GRM5: variants seen among roughly 807,000 people sequenced by gnomAD.
GRM5 encodes metabotropic glutamate receptor 5.
GRM5 carries 19 observed loss-of-function variants against 83.1 expected under a neutral mutation model. The observed-to-expected ratio is 0.23, with a 90% confidence interval of 0.16 to 0.34. GRM5 has a LOEUF of 0.34. Ranked by LOEUF, GRM5 falls within the 10% of genes least tolerant of loss-of-function variation. The pLI is 1.00. For synonymous variants in GRM5, 675 were observed against 633.6 expected (o/e 1.07, Z -0.98); for missense variants, 1,160 against 1,588.3 (o/e 0.73, Z 4.58).
chr11:88,665,937 C>T (rs1171017298), intron 3 of GRM5, among the ~76,000 whole-genome samples: 2 of 151,692 alleles, frequency 1.3e-5, no homozygotes, highest in African/African-American at 4.8e-5. Context: ...TGATAAGAAG[C>T]TAAGAAGTTG....
rs548212554 is a variant in GRM5 at position 88,569,970 on chromosome 11, C to T, written c.1691-1978G>A. The stretch of plus-strand genomic sequence containing the variant: ...AATGACAGCAAGGAAGCATGTAGTT[C>T]TTTCAAAATATGCCTAAGGGTAGCT... On this transcript the variant is annotated intron_variant, in intron 7 of 9. Coordinates refer to ENST00000305447, the MANE Select transcript of GRM5 (RefSeq NM_001143831.3). Among the ~76,000 whole-genome samples, 135 of 151,920 alleles carry T rather than the reference C, an allele frequency of 8.9e-4. 2 individuals are homozygous for T. Among genetic ancestry groups the T allele is most frequent in the Admixed American group, 8.7e-3 (132 of 15,226 alleles).
Position 88,508,833 on chromosome 11 carries a change from G to C in GRM5, c.3398C>G (p.Ala1133Gly). Residue 1133 changes from alanine to glycine, a missense_variant, in exon 10 of 10, where the codon GCG (alanine) becomes GGG (glycine). This residue lies in a region of GRM5 where 562 missense variants were observed against 532.4 expected (regional missense o/e 1.06). Coordinates refer to ENST00000305447, the MANE Select transcript of GRM5 (RefSeq NM_001143831.3). The surrounding 1 kb of genome is among the most constrained non-coding windows in gnomAD (Gnocchi z 4.2). ...CCGGGCCGCGTCCCCAGCCGCCTGC[G>C]CCCCTGCCGCGGGCTGCGCGCCTCC... Reference protein sequence around the residue: ...VTGGAQPAAGAQAAGDAARES... With the variant: ...VTGGAQPAAGGQAAGDAARES... 3 of 1,541,576 alleles carry C rather than the reference G, an allele frequency of 1.9e-6. No individual in the cohort carries two copies. The highest frequency in any genetic ancestry group is 1.2e-5 in the South Asian group (1 of 83,280).
intron 3 of GRM5, among the ~76,000 whole-genome samples, chr11:88,837,866 C>T (rs1337614936): frequency 4.6e-5 from 7 of 151,956 alleles, no homozygotes; most frequent in African/African-American, 1.7e-4. Flanking sequence ...GGGTGGATCA[C>T]GAGGTCAGGA....
At chr11:88,935,566 T>A (rs1937864299) in intron 2 of GRM5, among the ~76,000 whole-genome samples, 1 of 151,862 alleles carries the variant, frequency 6.6e-6, no homozygotes, top group Non-Finnish European at 1.5e-5. Flanking sequence ...GGAAAATCCA[T>A]GAGCAAGGTG....
intron 3 of GRM5, among the ~76,000 whole-genome samples, chr11:88,658,112 T>G (rs1398912105): frequency 6.6e-6 from 1 of 152,016 alleles, no homozygotes; most frequent in Admixed American, 6.6e-5. Flanking sequence ...ACCTGTTAGA[T>G]CTAATGCAGA....
rs770355789 is a variant in GRM5, at chr11:88,504,976, C to T, written c.*3616G>A. The T allele has an allele frequency of 6.6e-6, 1 of 152,168 alleles. No homozygotes were observed. Among genetic ancestry groups the T allele is most frequent in the Non-Finnish European group, 1.5e-5 (1 of 67,996 alleles). The allele number at this position is 152,168 out of a possible 1,614,324, so 9.4% of individuals were successfully genotyped here. ...AATCTATATAGATTTCTAATTACAA[C>T]ACCATCAGCAGCTGCCATTGATTTC... is the stretch of plus-strand genomic sequence containing the variant. On this transcript the variant is annotated 3_prime_UTR_variant, in exon 10 of 10. Coordinates refer to ENST00000305447, the MANE Select transcript of GRM5 (RefSeq NM_001143831.3).
intron 2 of GRM5, among the ~76,000 whole-genome samples, chr11:88,958,779 C>G (rs971362720): frequency 1.6e-4 from 25 of 152,070 alleles, no homozygotes; most frequent in African/African-American, 5.3e-4. Context: ...AACTAAAACA[C>G]AAATTTAAAT....
chr11:88,679,923 C>A (rs986210359), intron 3 of GRM5, among the ~76,000 whole-genome samples: 3 of 67,950 alleles, frequency 4.4e-5, no homozygotes, highest in African/African-American at 1.7e-4. Context: ...TCTTCTTAAT[C>A]TGTTTAATAA....
intron 3 of GRM5, among the ~76,000 whole-genome samples, chr11:88,815,161 T>G (rs1943653590): frequency 6.6e-6 from 1 of 152,152 alleles, no homozygotes; most frequent in South Asian, 2.1e-4. Context: ...CTTACCAATA[T>G]GGACCATATT....
intron 3 of GRM5, among the ~76,000 whole-genome samples, chr11:88,663,197 G>A (rs1249821361): frequency 6.6e-6 from 1 of 152,160 alleles, no homozygotes; most frequent in Non-Finnish European, 1.5e-5. Context: ...GACTTACAAA[G>A]ACGTGGGGAT....
intron 3 of GRM5, among the ~76,000 whole-genome samples, chr11:88,703,144 T>G (rs1941073942): frequency 6.6e-6 from 1 of 152,082 alleles, no homozygotes; most frequent in African/African-American, 2.4e-5. Context: ...AAAGCATTGG[T>G]AGATGTCTGT....
At chr11:89,019,988 C>T (rs1940944318) in intron 2 of GRM5, among the ~76,000 whole-genome samples, 2 of 152,286 alleles carry the variant, frequency 1.3e-5, no homozygotes, top group Admixed American at 1.3e-4. Flanking sequence ...GGAAGTACCT[C>T]ATAATCTCAA....
chr11:88,818,688 G>C (rs905914978), intron 3 of GRM5, among the ~76,000 whole-genome samples: 1 of 152,050 alleles, frequency 6.6e-6, no homozygotes, highest in African/African-American at 2.4e-5. Flanking sequence ...TCTGAAAGTA[G>C]CTCTAATAAA....
At chr11:88,681,567 T>TC in intron 3 of GRM5, among the ~76,000 whole-genome samples, 1 of 68,692 alleles carries the variant, frequency 1.5e-5, no homozygotes, top group Non-Finnish European at 2.8e-5. Context: ...AGTTCTTCCT[T>TC]TTTTTTTTTT....
chr11:89,010,678 A>G (rs1170041163), intron 2 of GRM5, among the ~76,000 whole-genome samples: 1 of 151,662 alleles, frequency 6.6e-6, no homozygotes, highest in Admixed American at 6.6e-5. Flanking sequence ...AAAATTATTG[A>G]TATAAACAAC....
In GRM5 at chr11:88,506,585, G is replaced by A. The variant is rs1313286888; in HGVS notation, c.*2007C>T. On this transcript the variant is annotated 3_prime_UTR_variant, in exon 10 of 10. Coordinates refer to ENST00000305447, the MANE Select transcript of GRM5 (RefSeq NM_001143831.3). ...GCCTCGGTGTAATATTTGGGATCAG[G>A]GTGCTGTGATGATGTTATTTTCAAA... 6.6e-6 allele frequency: 1 copy of A among 152,082 alleles called. No homozygotes were observed. Among genetic ancestry groups the A allele is most frequent in the Non-Finnish European group, 1.5e-5 (1 of 68,012 alleles). 9.4% of individuals were successfully genotyped at this position (152,082 alleles called of 1,614,324 possible). A position where few individuals can be genotyped will look rare whatever the true frequency, so the allele number is the denominator to read the frequency against.
At chr11:89,027,225 A>G (rs1308324203) in intron 2 of GRM5, among the ~76,000 whole-genome samples, 1 of 151,734 alleles carries the variant, frequency 6.6e-6, no homozygotes, top group African/African-American at 2.4e-5. Context: ...CCTCCCAAGT[A>G]ACTGGGACTA....
rs1940002876 is a variant in GRM5, at chr11:88,664,950, A to G, written c.912-11547T>C. ...AAGACTATATGTATGAAACTGAAGT[A>G]CATAATTTTACATGTTCACATTCCA... is the stretch of plus-strand genomic sequence containing the variant. On this transcript the variant is annotated intron_variant, in intron 3 of 9. Coordinates refer to ENST00000305447, the MANE Select transcript of GRM5 (RefSeq NM_001143831.3). 2.0e-5 allele frequency among the ~76,000 whole-genome samples: 3 copies of G among 152,310 alleles called. No homozygotes were observed. The South Asian group carries it at 6.2e-4, about 32-fold the overall frequency.
At chr11:88,740,848 A>G (rs892336331) in intron 3 of GRM5, among the ~76,000 whole-genome samples, 5 of 152,016 alleles carry the variant, frequency 3.3e-5, no homozygotes, top group African/African-American at 1.2e-4. Flanking sequence ...CCAAGAGTAA[A>G]GGATTTGGCA....
Sources: allele counts gnomAD v4.1 joint callset (sites outside exome capture counted in the v4.1 genomes callset), GRCh38; gene constraint gnomAD v4.1.1; regional missense constraint gnomAD v4.1.1; non-coding constraint Gnocchi (gnomAD v3.1); transcripts MANE v1.5; gene names NCBI Gene and HGNC (gene_info 2026-07-23, HGNC 2026-07-21).